CCN4: variants seen among roughly 807,000 people sequenced by gnomAD.
CCN4 encodes cellular communication network factor 4.
Under a neutral mutation model 36.7 loss-of-function variants are expected in CCN4, and 30 were observed. The observed-to-expected ratio is 0.82, with a 90% CI of 0.61 to 1.11. The LOEUF (loss-of-function observed/expected upper bound fraction) is 1.11. Among genes scored for constraint, CCN4 ranks in the 50% least tolerant of loss-of-function variants. The pLI, the probability that CCN4 is intolerant of heterozygous loss-of-function variation, is 0.00. For missense variants in CCN4, 505 were observed against 504.9 expected, an observed-to-expected ratio of 1.00 and a Z score of 0.00; for synonymous variants, 191 against 195.4, an observed-to-expected ratio of 0.98 and a Z score of 0.19.
At chr8:133,208,435 A>T (rs1343457746) in intron 1 of CCN4, among the ~76,000 whole-genome samples, 1 of 152,192 alleles carries the variant, frequency 6.6e-6, no homozygotes, top group Non-Finnish European at 1.5e-5. Flanking sequence ...TAAAACACAA[A>T]TCTAACCCTG....
chr8:133,229,756 T>C lies in CCN4; in HGVS notation c.*2046T>C, dbSNP rs1452939404. ...CTCTTCTTCCAAAGCTACATGAAAA[T>C]AGAATTTTAACAGTCAAAATTTTAT... On this transcript the variant is annotated 3_prime_UTR_variant, in exon 5 of 5. Transcript: ENST00000250160. 1 of 152,242 alleles carries C rather than the reference T, an allele frequency of 6.6e-6. No individual in the cohort carries two copies. Among genetic ancestry groups the C allele is most frequent in the East Asian group, 1.9e-4 (1 of 5,206 alleles). 9.4% of individuals were successfully genotyped at this position (152,242 alleles called of 1,614,324 possible). A position where few individuals can be genotyped will look rare whatever the true frequency, so the allele number is the denominator to read the frequency against.
rs1564260775 is a variant in CCN4, at chr8:133,213,875, ACACTATATATAGTAGTTAAATATAC to A, written c.349+733_349+757del. Among the ~76,000 whole-genome samples the A allele has an allele frequency of 1.5e-3, 211 of 140,276 alleles. 3 individuals carry two copies. The highest frequency in any genetic ancestry group is 2.7e-3 in the South Asian group (12 of 4,526). 92.0% of individuals were successfully genotyped at this position (140,276 alleles called of 152,430 possible). A position where few individuals can be genotyped will look rare whatever the true frequency, so the allele number is the denominator to read the frequency against. On this transcript the variant is annotated intron_variant, in intron 2 of 4. Coordinates refer to ENST00000250160, the MANE Select transcript of CCN4 (RefSeq NM_003882.4). ...TATATATAGTAGTTAAATATACTAT[ACACTATATATAGTAGTTAAATATAC>A]TATACACTATATATAGTAGTTATAT...
rs115167052 is a variant in CCN4, at chr8:133,195,955, C to T, written c.69+4742C>T. ...GGCTCTGATATGGAAGCAAGGGTGG[C>T]GAAGCAGCCATGGTCCAGGTGGGTT... On this transcript the variant is annotated intron_variant, in intron 1 of 4. Coordinates refer to ENST00000250160, the MANE Select transcript of CCN4 (RefSeq NM_003882.4). Among the ~76,000 whole-genome samples the T allele has an allele frequency of 3.4e-3, 512 of 152,276 alleles. 2 individuals are homozygous for T. The highest frequency in any genetic ancestry group is 0.012 in the African/African-American group (489 of 41,552).
chr8:133,217,264 GC>G (rs1389380887), intron 2 of CCN4, among the ~76,000 whole-genome samples: 1 of 152,164 alleles, frequency 6.6e-6, no homozygotes, highest in Non-Finnish European at 1.5e-5. Flanking sequence ...AAGTGAGGCA[GC>G]AAAAACAAAC....
chr8:133,223,352 C>G (rs1854602395), intron 3 of CCN4, among the ~76,000 whole-genome samples: 1 of 152,186 alleles, frequency 6.6e-6, no homozygotes, highest in Non-Finnish European at 1.5e-5. Flanking sequence ...ATTCCCTCCC[C>G]ACCACCTCCC....
At chr8:133,213,982 G>GTGTATATATACTATATATAACTATATA in intron 2 of CCN4, among the ~76,000 whole-genome samples, 4 of 1,394 alleles carry the variant, frequency 2.9e-3, no homozygotes, top group African/African-American at 6.9e-3. Flanking sequence ...ACTATATATA[G>GTGTATATATACTATATATAACTATATA]TAGTTATATA....
At chr8:133,222,831 A>T (rs937631107) in intron 3 of CCN4, among the ~76,000 whole-genome samples, 14 of 151,796 alleles carry the variant, frequency 9.2e-5, no homozygotes, top group Non-Finnish European at 1.5e-4. Flanking sequence ...TATGCTAAAG[A>T]TTGCTCAGGG....
chr8:133,221,654 T>C (rs1228009890), intron 3 of CCN4, among the ~76,000 whole-genome samples: 2 of 151,690 alleles, frequency 1.3e-5, no homozygotes. Flanking sequence ...GATGAATTGA[T>C]GGATAGGTGT....
intron 1 of CCN4, among the ~76,000 whole-genome samples, chr8:133,210,421 G>A (rs886920081): frequency 1.4e-5 from 2 of 138,118 alleles, no homozygotes; most frequent in Admixed American, 7.4e-5. Context: ...GTGTGTGTGT[G>A]TTTACTGATT....
At chr8:133,201,876 A>C (rs1258967561) in intron 1 of CCN4, among the ~76,000 whole-genome samples, 1 of 151,798 alleles carries the variant, frequency 6.6e-6, no homozygotes, top group Non-Finnish European at 1.5e-5. Context: ...AAAGAAAAAA[A>C]CCCATACATG....
rs953565566 is a variant in CCN4 at position 133,229,065 on chromosome 8, C to T, written c.*1355C>T. 1.3e-5 allele frequency: 2 copies of T among 152,202 alleles called. No individual in the cohort carries two copies. Among genetic ancestry groups the T allele is most frequent in the Non-Finnish European group, 2.9e-5 (2 of 68,038 alleles). The allele number at this position is 152,202 out of a possible 1,614,324, so 9.4% of individuals were successfully genotyped here. On this transcript the variant is annotated 3_prime_UTR_variant, in exon 5 of 5. Coordinates refer to ENST00000250160, the MANE Select transcript of CCN4 (RefSeq NM_003882.4). ...AGGGCCTTTTCTGTGCCAGACATTGCTCTCAGTGCTTTGCATGTATTAGCT... is the reference window on the plus strand; with the variant it reads ...AGGGCCTTTTCTGTGCCAGACATTGTTCTCAGTGCTTTGCATGTATTAGCT...
chr8:133,212,099 G>A (rs1854064851), intron 1 of CCN4, among the ~76,000 whole-genome samples: 1 of 152,166 alleles, frequency 6.6e-6, no homozygotes, highest in African/African-American at 2.4e-5. Context: ...TTGACTGGGG[G>A]ATGGGAATGG....
intron 2 of CCN4, among the ~76,000 whole-genome samples, chr8:133,215,651 A>T (rs1346279247): frequency 1.3e-5 from 2 of 152,044 alleles, no homozygotes; most frequent in Non-Finnish European, 2.9e-5. Flanking sequence ...TCTGCATCTT[A>T]GGTCCTGCCT....
chr8:133,196,949 G>T (rs1269289884), intron 1 of CCN4, among the ~76,000 whole-genome samples: 3 of 152,228 alleles, frequency 2.0e-5, no homozygotes, highest in Non-Finnish European at 4.4e-5. Context: ...CTAATGGGCA[G>T]GCTGTCCTGG....
intron 3 of CCN4, among the ~76,000 whole-genome samples, chr8:133,225,146 T>C (rs935503745): frequency 2.0e-5 from 3 of 152,154 alleles, no homozygotes; most frequent in African/African-American, 4.8e-5. Flanking sequence ...TCTCTAAAGA[T>C]GGGTTTCCTC....
chr8:133,205,063 G>A (rs1274466167), intron 1 of CCN4, among the ~76,000 whole-genome samples: 1 of 152,234 alleles, frequency 6.6e-6, no homozygotes, highest in Non-Finnish European at 1.5e-5. Context: ...GTAGCTAGGA[G>A]GGGTTGCTGA....
At chr8:133,219,446 T>G (rs770627559) in intron 2 of CCN4, among the ~76,000 whole-genome samples, 1 of 152,126 alleles carries the variant, frequency 6.6e-6, no homozygotes, top group African/African-American at 2.4e-5. Flanking sequence ...AGTGAGGCCT[T>G]CCCCATCCAC....
chr8:133,199,445 G>A (rs957881593), intron 1 of CCN4, among the ~76,000 whole-genome samples: 19 of 152,162 alleles, frequency 1.2e-4, no homozygotes, highest in Non-Finnish European at 2.2e-4. Context: ...GTAAATGCCC[G>A]TGTCACAGAG....
chr8:133,226,683 T>C (rs1854749189), intron 4 of CCN4, among the ~76,000 whole-genome samples: 1 of 152,188 alleles, frequency 6.6e-6, no homozygotes, highest in Non-Finnish European at 1.5e-5. Context: ...CCAATTTTGA[T>C]TTCCAACCAA....
Sources: allele counts gnomAD v4.1 joint callset (sites outside exome capture counted in the v4.1 genomes callset), GRCh38; gene constraint gnomAD v4.1.1; transcripts MANE v1.5; gene names NCBI Gene and HGNC (gene_info 2026-07-23, HGNC 2026-07-21).